Variants in EYA4 observed in about 807,000 individuals in gnomAD.
The protein encoded by EYA4 is EYA transcriptional coactivator and phosphatase 4, also known as protein phosphatase EYA4.
Under a neutral mutation model 87.9 loss-of-function variants are expected in EYA4, and 31 were observed. That is an observed-to-expected ratio of 0.35 (90% confidence interval 0.27 to 0.48). The LOEUF (loss-of-function observed/expected upper bound fraction) is 0.48, where lower values mean the gene tolerates loss of function less well. EYA4 is among the 20% of genes least tolerant of loss of function. EYA4 has a pLI of 0.99. For synonymous variants in EYA4, 263 were observed against 270.6 expected (o/e 0.97, Z 0.28); for missense variants, 678 against 761.4 (o/e 0.89, Z 1.29).
At chr6:133,289,613 T>C (rs1034400469) in intron 2 of EYA4, among the ~76,000 whole-genome samples, 2 of 152,214 alleles carry the variant, frequency 1.3e-5, no homozygotes, top group African/African-American at 2.4e-5. Flanking sequence ...GAAGAAACTA[T>C]GTGGCCTGTT....
chr6:133,264,705 A>G (rs1776068967), intron 1 of EYA4, among the ~76,000 whole-genome samples: 1 of 152,178 alleles, frequency 6.6e-6, no homozygotes. Context: ...TAGCGTTTCC[A>G]TGTGCAGCGT....
rs3777793 is a variant in EYA4, at chr6:133,260,700, T to G, written c.-65-14016T>G. ...TTCCATACCACAGATGCAGTAAACATTTAGAATTTACATCCTGCAAGGCTG... is the reference window on the plus strand; with the variant it reads ...TTCCATACCACAGATGCAGTAAACAGTTAGAATTTACATCCTGCAAGGCTG... On this transcript the variant is annotated intron_variant, in intron 1 of 19. Coordinates refer to ENST00000355286, the MANE Select transcript of EYA4 (RefSeq NM_004100.5). 1.6e-3 allele frequency among the ~76,000 whole-genome samples: 237 copies of G among 152,282 alleles called. 5 individuals carry two copies. The East Asian group carries it at 0.045, about 29-fold the overall frequency.
intron 13 of EYA4, among the ~76,000 whole-genome samples, chr6:133,497,614 AG>A (rs1797747285): frequency 6.6e-6 from 1 of 152,192 alleles, no homozygotes; most frequent in Non-Finnish European, 1.5e-5. Flanking sequence ...TAAATTCGAC[AG>A]GATGTAGACC....
chr6:133,404,141 T>A (rs181342127), intron 3 of EYA4, among the ~76,000 whole-genome samples: 106 of 152,282 alleles, frequency 7.0e-4, no homozygotes, highest in African/African-American at 2.5e-3. Context: ...AACAGGAGTG[T>A]CTCAGGAATT....
chr6:133,527,137 A>T (rs991934966), intron 19 of EYA4, among the ~76,000 whole-genome samples: 35 of 152,180 alleles, frequency 2.3e-4, no homozygotes, highest in Non-Finnish European at 4.7e-4. Flanking sequence ...AGTTTTGGTG[A>T]TGGTGAAGGC....
intron 2 of EYA4, among the ~76,000 whole-genome samples, chr6:133,368,853 G>T (rs1317426735): frequency 6.6e-6 from 1 of 152,188 alleles, no homozygotes; most frequent in Non-Finnish European, 1.5e-5. Context: ...AGCCATTGGG[G>T]CGTCTGTGTG....
At chr6:133,498,411 G>A (rs1797818416) in intron 13 of EYA4, among the ~76,000 whole-genome samples, 2 of 152,128 alleles carry the variant, frequency 1.3e-5, no homozygotes, top group Admixed American at 6.6e-5. Flanking sequence ...GGTTAAATGA[G>A]TTAATGCATT....
intron 2 of EYA4, among the ~76,000 whole-genome samples, chr6:133,379,622 A>G (rs1240088393): frequency 6.6e-6 from 1 of 152,148 alleles, no homozygotes; most frequent in South Asian, 2.1e-4. Flanking sequence ...ATTCTATCTC[A>G]GAAGTGTTTG....
intron 16 of EYA4, among the ~76,000 whole-genome samples, chr6:133,514,083 G>C (rs1021430706): frequency 1.3e-5 from 2 of 152,062 alleles, no homozygotes; most frequent in African/African-American, 4.8e-5. Context: ...ATAACTGTAA[G>C]AGAACAAAAA....
At chr6:133,339,338 G>C (rs1305983020) in intron 2 of EYA4, among the ~76,000 whole-genome samples, 2 of 152,180 alleles carry the variant, frequency 1.3e-5, no homozygotes, top group African/African-American at 4.8e-5. Context: ...TACCTAAGCA[G>C]TTGCTATGAA....
chr6:133,515,268 A>G (rs1799493086), intron 16 of EYA4, 53 bp from the exon 17 acceptor site: 1 of 869,446 alleles, frequency 1.2e-6, no homozygotes, highest in Non-Finnish European at 2.0e-6. Context: ...TAAACTAGAT[A>G]TTCTGAGACA....
chr6:133,531,184 T>A lies in EYA4; in HGVS notation c.*2379T>A, dbSNP rs1157398227. ...CACCCCGTGCAGTTTCTCACACACATCTCTTTTTCTGATTCTGTGTTCAGA... is the reference window on the plus strand; with the variant it reads ...CACCCCGTGCAGTTTCTCACACACAACTCTTTTTCTGATTCTGTGTTCAGA... On this transcript the variant is annotated 3_prime_UTR_variant, in exon 20 of 20. Coordinates refer to ENST00000355286, the MANE Select transcript of EYA4 (RefSeq NM_004100.5). 6.5e-6 allele frequency: 10 copies of A among 1,534,976 alleles called. No individual in the cohort carries two copies. The highest frequency in any genetic ancestry group is 8.7e-6 in the Non-Finnish European group (10 of 1,146,788).
intron 3 of EYA4, among the ~76,000 whole-genome samples, chr6:133,440,194 A>G (rs572254242): frequency 3.9e-5 from 6 of 152,172 alleles, no homozygotes; most frequent in Non-Finnish European, 7.4e-5. Context: ...CTTCCTTTCT[A>G]TGCTTTTGAA....
chr6:133,305,628 A>G (rs1418034148), intron 2 of EYA4, among the ~76,000 whole-genome samples: 3 of 152,170 alleles, frequency 2.0e-5, no homozygotes, highest in African/African-American at 4.8e-5. Context: ...AATAATTGCT[A>G]TCATTTAGCC....
chr6:133,345,865 A>G (rs543533176), intron 2 of EYA4, among the ~76,000 whole-genome samples: 6 of 152,360 alleles, frequency 3.9e-5, no homozygotes, highest in African/African-American at 1.4e-4. Context: ...GCACACTGCT[A>G]TGCAGTGCTT....
intron 2 of EYA4, among the ~76,000 whole-genome samples, chr6:133,369,495 A>T (rs1450600660): frequency 6.6e-6 from 1 of 151,874 alleles, no homozygotes; most frequent in Non-Finnish European, 1.5e-5. Flanking sequence ...AATAAATTAA[A>T]TAAAAATGTC....
At chr6:133,273,874 T>C (rs1306899159) in intron 1 of EYA4, among the ~76,000 whole-genome samples, 1 of 152,092 alleles carries the variant, frequency 6.6e-6, no homozygotes, top group Non-Finnish European at 1.5e-5. Flanking sequence ...TTCTAGATTT[T>C]TCTGTGCCTT....
intron 1 of EYA4, among the ~76,000 whole-genome samples, chr6:133,259,731 A>T (rs1419432978): frequency 6.6e-6 from 1 of 152,210 alleles, no homozygotes; most frequent in African/African-American, 2.4e-5. Flanking sequence ...TTATTGCCAT[A>T]TTATATAACT....
intron 13 of EYA4, among the ~76,000 whole-genome samples, chr6:133,495,406 A>G (rs544533986): frequency 7.4e-5 from 11 of 148,192 alleles, no homozygotes; most frequent in Admixed American, 3.4e-4. Context: ...ATAAATAAAT[A>G]TAAAGAAATA....
Sources: allele counts gnomAD v4.1 joint callset (sites outside exome capture counted in the v4.1 genomes callset), GRCh38; gene constraint gnomAD v4.1.1; transcripts MANE v1.5; gene names NCBI Gene and HGNC (gene_info 2026-07-23, HGNC 2026-07-21).